MLLT3: variants seen among roughly 807,000 people sequenced by gnomAD.
The protein encoded by MLLT3 is protein AF-9.
In MLLT3, 4 loss-of-function variants were observed where a neutral mutation model predicts 53.2. The observed-to-expected ratio is 0.08, with a 90% CI of 0.04 to 0.17. The LOEUF (loss-of-function observed/expected upper bound fraction) is 0.17. MLLT3 is among the 10% of genes least tolerant of loss of function. The pLI is 1.00. For synonymous variants in MLLT3, 283 were observed against 230.6 expected, an observed-to-expected ratio of 1.23 and a Z score of -2.06; for missense variants, 569 against 684.0, an observed-to-expected ratio of 0.83 and a Z score of 1.87.
In MLLT3 at chr9:20,341,817, C is replaced by G; in HGVS notation, c.*4626G>C. On this transcript the variant is annotated 3_prime_UTR_variant, in exon 11 of 11. Coordinates refer to ENST00000380338, the MANE Select transcript of MLLT3 (RefSeq NM_004529.4). ...CTGGCTATAGCACATTGTTTCTGAACAAAACCCTCCAAAGAAATAGGGGGG... is the reference window on the plus strand; with the variant it reads ...CTGGCTATAGCACATTGTTTCTGAAGAAAACCCTCCAAAGAAATAGGGGGG... 1 of 203,122 alleles carries G rather than the reference C, an allele frequency of 4.9e-6. No homozygotes were observed. The highest frequency in any genetic ancestry group is 1.0e-5 in the Non-Finnish European group (1 of 99,116). The allele number at this position is 203,122 out of a possible 1,614,324, so 12.6% of individuals were successfully genotyped here.
At position 20,613,176 on chromosome 9, in the gene MLLT3, T is replaced by G. The variant is rs144165793; in HGVS notation, c.193+7478A>C. 3.1e-3 allele frequency among the ~76,000 whole-genome samples: 476 copies of G among 152,250 alleles called. 1 individual carries two copies. Among genetic ancestry groups the G allele is most frequent in the African/African-American group, 0.011 (454 of 41,544 alleles). ...GTGGGGGAAAAAAGCAAGATGCAAA[T>G]GTATTCACTCATAAAAATATTCTGG... On this transcript the variant is annotated intron_variant, in intron 2 of 10. Coordinates refer to ENST00000380338, the MANE Select transcript of MLLT3 (RefSeq NM_004529.4).
chr9:20,581,334 ATTCT>A (rs755626343), intron 2 of MLLT3, among the ~76,000 whole-genome samples: 12 of 152,282 alleles, frequency 7.9e-5, no homozygotes, highest in Non-Finnish European at 1.3e-4. Flanking sequence ...TGTTAAACAA[ATTCT>A]TTCTTTCCCT....
intron 5 of MLLT3, among the ~76,000 whole-genome samples, chr9:20,371,154 T>C (rs978449415): frequency 1.3e-5 from 2 of 152,158 alleles, no homozygotes; most frequent in African/African-American, 4.8e-5. Flanking sequence ...AGACAAAAAG[T>C]TTGATGCTAG....
intron 2 of MLLT3, among the ~76,000 whole-genome samples, chr9:20,537,041 T>A (rs1182384725): frequency 6.6e-6 from 1 of 152,212 alleles, no homozygotes; most frequent in Non-Finnish European, 1.5e-5. Flanking sequence ...GTGCCCTGCA[T>A]TGCCAGCTGT....
At chr9:20,360,674 G>A in intron 8 of MLLT3, 68 bp downstream of exon 8, 2 of 1,308,642 alleles carry the variant, frequency 1.5e-6, no homozygotes, top group Non-Finnish European at 1.1e-6. Flanking sequence ...TGAAAGTTTT[G>A]CATGCTTTGT....
At chr9:20,375,950 G>C (rs1239203824) in intron 5 of MLLT3, among the ~76,000 whole-genome samples, 1 of 152,122 alleles carries the variant, frequency 6.6e-6, no homozygotes, top group Non-Finnish European at 1.5e-5. Flanking sequence ...TTTCTTCTCT[G>C]AACTGCCCTA....
At chr9:20,447,713 T>C (rs1823739851) in intron 4 of MLLT3, among the ~76,000 whole-genome samples, 1 of 152,140 alleles carries the variant, frequency 6.6e-6, no homozygotes, top group African/African-American at 2.4e-5. Context: ...TTTTAATAAT[T>C]GTGATCAAGA....
intron 4 of MLLT3, among the ~76,000 whole-genome samples, chr9:20,415,814 A>C (rs1822856750): frequency 6.6e-6 from 1 of 152,074 alleles, no homozygotes; most frequent in Non-Finnish European, 1.5e-5. Flanking sequence ...TAAGCATCAC[A>C]AAGTAATATC....
chr9:20,396,405 A>G (rs1017720380), intron 5 of MLLT3, among the ~76,000 whole-genome samples: 1 of 152,160 alleles, frequency 6.6e-6, no homozygotes, highest in Non-Finnish European at 1.5e-5. Flanking sequence ...TATTATTCAC[A>G]TATCAGAGAT....
At chr9:20,384,987 T>G (rs1821999106) in intron 5 of MLLT3, among the ~76,000 whole-genome samples, 1 of 152,130 alleles carries the variant, frequency 6.6e-6, no homozygotes, top group Non-Finnish European at 1.5e-5. Context: ...TTTTTAGATC[T>G]CATAATCAAC....
At position 20,496,127 on chromosome 9, in the gene MLLT3, C is replaced by T. The variant is rs148667606; in HGVS notation, c.194-39341G>A. ...CTTTCTATAAGGATTTCAACTGTAACCTACCACAAAAGTGCTCTGGGAATA... is the reference window on the plus strand; with the variant it reads ...CTTTCTATAAGGATTTCAACTGTAATCTACCACAAAAGTGCTCTGGGAATA... On this transcript the variant is annotated intron_variant, in intron 2 of 10. Coordinates refer to ENST00000380338, the MANE Select transcript of MLLT3 (RefSeq NM_004529.4). Among the ~76,000 whole-genome samples the T allele has an allele frequency of 3.3e-3, 500 of 152,310 alleles. 2 individuals carry two copies. Among genetic ancestry groups the T allele is most frequent in the Non-Finnish European group, 5.3e-3 (363 of 68,018 alleles).
chr9:20,603,202 T>C (rs1258574185), intron 2 of MLLT3, among the ~76,000 whole-genome samples: 2 of 152,048 alleles, frequency 1.3e-5, no homozygotes, highest in African/African-American at 4.8e-5. Flanking sequence ...GACATATTTA[T>C]CCAAAGACAT....
chr9:20,433,321 AAAAT>A, intron 4 of MLLT3, among the ~76,000 whole-genome samples: 1 of 152,370 alleles, frequency 6.6e-6, no homozygotes, highest in East Asian at 1.9e-4. Context: ...TTAAATTATC[AAAAT>A]AAATAATGAT....
chr9:20,621,806 G>A lies in MLLT3; in HGVS notation c.12+439C>T, dbSNP rs1001579963. ...CGGCCGCGGCGCTTTGCGGAGGTGCGGCCGCCGAGGCTGCTCGCCGCGTCC... is the reference window on the plus strand; with the variant it reads ...CGGCCGCGGCGCTTTGCGGAGGTGCAGCCGCCGAGGCTGCTCGCCGCGTCC... On this transcript the variant is annotated intron_variant, in intron 1 of 10. Transcript: ENST00000380338. This position sits in a 1 kb window ranked among gnomAD's most constrained non-coding sequence, Gnocchi z 7.0. 5 of 1,438,564 alleles carry A rather than the reference G, an allele frequency of 3.5e-6. No homozygotes were observed. The highest frequency in any genetic ancestry group is 4.5e-6 in the Non-Finnish European group (5 of 1,107,548). 89.1% of individuals were successfully genotyped at this position (1,438,564 alleles called of 1,614,324 possible). A position where few individuals can be genotyped will look rare whatever the true frequency, so the allele number is the denominator to read the frequency against.
intron 2 of MLLT3, among the ~76,000 whole-genome samples, chr9:20,541,598 G>A (rs570808892): frequency 1.3e-5 from 2 of 152,150 alleles, no homozygotes; most frequent in Admixed American, 6.5e-5. Flanking sequence ...CATAAGGCCC[G>A]CATAGGGGAA....
At chr9:20,593,718 T>G (rs1820183552) in intron 2 of MLLT3, among the ~76,000 whole-genome samples, 1 of 152,144 alleles carries the variant, frequency 6.6e-6, no homozygotes, top group Admixed American at 6.6e-5. Context: ...ACAATAGGGA[T>G]GGGTAATGTA....
chr9:20,510,423 C>T (rs1471623760), intron 2 of MLLT3, among the ~76,000 whole-genome samples: 1 of 151,904 alleles, frequency 6.6e-6, no homozygotes, highest in Non-Finnish European at 1.5e-5. Context: ...GCAGCCTGGC[C>T]AACATGGTGA....
chr9:20,473,395 TGA>T (rs1198947025), intron 2 of MLLT3, among the ~76,000 whole-genome samples: 6 of 152,118 alleles, frequency 3.9e-5, no homozygotes, highest in Admixed American at 6.6e-5. Flanking sequence ...TTAATAATGT[TGA>T]GTTTCACCAA....
intron 2 of MLLT3, among the ~76,000 whole-genome samples, chr9:20,517,274 A>T (rs965303172): frequency 6.6e-6 from 1 of 152,220 alleles, no homozygotes; most frequent in Admixed American, 6.5e-5. Context: ...CTACAAAACC[A>T]ACATCAAAAA....
Sources: allele counts gnomAD v4.1 joint callset (sites outside exome capture counted in the v4.1 genomes callset), GRCh38; gene constraint gnomAD v4.1.1; non-coding constraint Gnocchi (gnomAD v3.1); transcripts MANE v1.5; gene names NCBI Gene and HGNC (gene_info 2026-07-23, HGNC 2026-07-21).